SFPQ: variants seen among roughly 807,000 people sequenced by gnomAD.
The protein encoded by SFPQ is splicing factor proline and glutamine rich.
In SFPQ, 11 loss-of-function variants were observed where a neutral mutation model predicts 72.9. That is an observed-to-expected ratio of 0.15 (90% CI 0.09 to 0.25). SFPQ has a LOEUF of 0.25. Ranked by LOEUF, SFPQ falls within the 10% of genes least tolerant of loss-of-function variation. The pLI, the probability that SFPQ is intolerant of heterozygous loss-of-function variation, is 1.00. For missense variants in SFPQ, 847 were observed against 993.3 expected, an observed-to-expected ratio of 0.85 and a Z score of 1.98; for synonymous variants, 506 against 367.3, an observed-to-expected ratio of 1.38 and a Z score of -4.32.
At chr1:35,191,054 A>G (rs935911220) in intron 2 of SFPQ, 59 bp from the exon 3 acceptor site, 1 of 1,426,338 alleles carries the variant, frequency 7.0e-7, no homozygotes, top group Non-Finnish European at 9.7e-7. Flanking sequence ...CTACTCTTAA[A>G]TTGTCATAGG....
chr1:35,179,279 A>C, downstream of SFPQ: 1 of 1,060,344 alleles, frequency 9.4e-7, no homozygotes, highest in South Asian at 4.6e-5. Context: ...TAAAAGTCCA[A>C]AACTAGTCAC....
In SFPQ at chr1:35,183,168, A is replaced by G; in HGVS notation, c.*1288T>C. On this transcript the variant is annotated 3_prime_UTR_variant, in exon 10 of 10. Coordinates refer to ENST00000357214, the MANE Select transcript of SFPQ (RefSeq NM_005066.3). ...TGCCCAACAGAAGTAGCACAAGGAG[A>G]TGTAAAAGTTACAGAGTACAAATGT... The G allele has an allele frequency of 9.8e-7, 1 of 1,022,088 alleles. No homozygotes were observed. 63.3% of individuals were successfully genotyped at this position (1,022,088 alleles called of 1,614,324 possible).
chr1:35,180,065 G>A (rs1231903660), downstream of SFPQ: 28 of 1,053,176 alleles, frequency 2.7e-5, no homozygotes, highest in East Asian at 5.9e-4. Context: ...GTACAAGTCT[G>A]TCCCCACCTT....
At position 35,183,343 on chromosome 1, in the gene SFPQ, G is replaced by A. The variant is rs536221796; in HGVS notation, c.*1113C>T. On this transcript the variant is annotated 3_prime_UTR_variant, in exon 10 of 10. Coordinates refer to ENST00000357214, the MANE Select transcript of SFPQ (RefSeq NM_005066.3). Reference sequence around the variant, plus strand: ...AGCAATTCTCCTGGCTCAGCCTCCCGAGTAGCTGGGATTACAGGCGCCTGC... The same window carrying A: ...AGCAATTCTCCTGGCTCAGCCTCCCAAGTAGCTGGGATTACAGGCGCCTGC... The A allele has an allele frequency of 4.0e-5, 12 of 299,408 alleles. No individual in the cohort carries two copies. In the South Asian group the frequency reaches 6.8e-4, roughly 17 times the overall value. 18.5% of individuals were successfully genotyped at this position (299,408 alleles called of 1,614,324 possible).
chr1:35,179,839 C>T (rs1639393370), downstream of SFPQ: 1 of 1,053,558 alleles, frequency 9.5e-7, no homozygotes, highest in Non-Finnish European at 1.1e-6. Context: ...ATCACTAAAC[C>T]ACGGCAGCAA....
intron 4 of SFPQ, among the ~76,000 whole-genome samples, chr1:35,190,204 G>A (rs924299604): frequency 6.6e-6 from 1 of 152,208 alleles, no homozygotes; most frequent in Non-Finnish European, 1.5e-5. Context: ...AGGTTGCAGA[G>A]AGCTGAGGTC....
Position 35,183,197 on chromosome 1 carries a change from T to TG in SFPQ, c.*1258_*1259insC, listed in dbSNP as rs1639544567. 8 of 1,016,458 alleles carry TG rather than the reference T, an allele frequency of 7.9e-6. No homozygotes were observed. The African/African-American group carries it at 1.4e-4, about 17-fold the overall frequency. The allele number at this position is 1,016,458 out of a possible 1,614,324, so 63.0% of individuals were successfully genotyped here. On this transcript the variant is annotated 3_prime_UTR_variant, in exon 10 of 10. Coordinates refer to ENST00000357214, the MANE Select transcript of SFPQ (RefSeq NM_005066.3). ...AAAAGTTACAGAGTACAAATGTATA[T>TG]ATAACTAAACCTACTTCAGTACTAA...
In SFPQ at chr1:35,183,590, A is replaced by T. The variant is rs1639573340; in HGVS notation, c.*866T>A. The T allele has an allele frequency of 2.9e-6, 3 of 1,024,038 alleles. No homozygotes were observed. The highest frequency in any genetic ancestry group is 1.2e-4 in the Admixed American group (2 of 17,242). 63.4% of individuals were successfully genotyped at this position (1,024,038 alleles called of 1,614,324 possible). On this transcript the variant is annotated 3_prime_UTR_variant, in exon 10 of 10. Coordinates refer to ENST00000357214, the MANE Select transcript of SFPQ (RefSeq NM_005066.3). ...CCATCTTTATAAATCACTTGAATACATGAAAAGACTTCATGTTTAACATCT... is the reference window on the plus strand; with the variant it reads ...CCATCTTTATAAATCACTTGAATACTTGAAAAGACTTCATGTTTAACATCT...
chr1:35,180,032 G>C (rs182598027), downstream of SFPQ: 7 of 1,054,434 alleles, frequency 6.6e-6, no homozygotes, highest in African/African-American at 1.2e-4. Context: ...AAAGTTGTTT[G>C]CTTGAATGGA....
chr1:35,181,697 G>A (rs1639475321), downstream of SFPQ: 1 of 1,060,694 alleles, frequency 9.4e-7, no homozygotes, highest in Non-Finnish European at 1.1e-6. Flanking sequence ...GGGGACAAGT[G>A]GTTTCTTTAA....
chr1:35,188,948 G>C, intron 6 of SFPQ, 55 bp downstream of exon 6: 1 of 1,400,908 alleles, frequency 7.1e-7, no homozygotes, highest in African/African-American at 1.4e-5. Context: ...GCAACAGAAT[G>C]ATACGTTTCA....
At position 35,184,465 on chromosome 1, in the gene SFPQ, G is replaced by A. The variant is rs553702526; in HGVS notation, c.2115C>T (p.Pro705=). 4 of 1,607,806 alleles carry A rather than the reference G, an allele frequency of 2.5e-6. No individual in the cohort carries two copies. The change falls in exon 10 of 10, where the codon CCC becomes CCT. Residue 705 remains proline (P), a synonymous_variant. Coordinates refer to ENST00000357214, the MANE Select transcript of SFPQ (RefSeq NM_005066.3). ...AGCCTAAATATCACATCTAAAATCG[G>A]GGTTTTTTGTTTGGGCCTTCGTACT... ...REEYEGPNKK[P]RF
chr1:35,187,139 G>T lies in SFPQ; in HGVS notation c.1865-17C>A. 1.9e-6 allele frequency: 3 copies of T among 1,613,894 alleles called. No homozygotes were observed. Among genetic ancestry groups the T allele is most frequent in the Non-Finnish European group, 2.5e-6 (3 of 1,179,922 alleles). ...CATAGGGATCTAGAAAACAAAAATA[G>T]TGGTTACAACTCCACCAGGATACTA... is the stretch of plus-strand genomic sequence containing the variant. On this transcript the variant is annotated splice_polypyrimidine_tract_variant and intron_variant, in intron 8 of 9. Coordinates refer to ENST00000357214, the MANE Select transcript of SFPQ (RefSeq NM_005066.3).
chr1:35,178,692 G>C (rs541751647), downstream of SFPQ: 16 of 1,055,216 alleles, frequency 1.5e-5, no homozygotes, highest in South Asian at 5.9e-4. Flanking sequence ...CAGGGCCACA[G>C]TGCACAAAAC....
chr1:35,185,086 G>A (rs1339400409), intron 9 of SFPQ, among the ~76,000 whole-genome samples: 1 of 152,094 alleles, frequency 6.6e-6, no homozygotes, highest in East Asian at 1.9e-4. Flanking sequence ...TGCTTTTCAA[G>A]ATCTTAAGAC....
downstream of SFPQ, chr1:35,180,375 G>C: frequency 9.6e-7 from 1 of 1,041,650 alleles, no homozygotes; most frequent in Non-Finnish European, 1.2e-6. Flanking sequence ...TAAAGCTAAG[G>C]GAACCAAATT....
downstream of SFPQ, chr1:35,178,864 G>A: frequency 3.8e-6 from 4 of 1,042,866 alleles, no homozygotes; most frequent in Non-Finnish European, 4.6e-6. Context: ...CCTATCTTAA[G>A]TCCAAGCCCT....
rs769495425 is a variant in SFPQ, at chr1:35,184,425, A to C, written c.*31T>G. 7 of 1,592,698 alleles carry C rather than the reference A, an allele frequency of 4.4e-6. No individual in the cohort carries two copies. The East Asian group carries it at 1.1e-4, about 26-fold the overall frequency. On this transcript the variant is annotated 3_prime_UTR_variant, in exon 10 of 10. Transcript: ENST00000357214. ...ATTGGTATCTAAACAAAAAAACAAA[A>C]CAAACTGGAATGAAAGCCTAAATAT...
chr1:35,190,449 ACC>A, intron 4 of SFPQ, 47 bp downstream of exon 4: 1 of 1,288,168 alleles, frequency 7.8e-7, no homozygotes, highest in East Asian at 2.3e-5. Context: ...AATAAATTTA[ACC>A]TTTACACTTG....
Sources: allele counts gnomAD v4.1 joint callset (sites outside exome capture counted in the v4.1 genomes callset), GRCh38; gene constraint gnomAD v4.1.1; transcripts MANE v1.5; gene names NCBI Gene and HGNC (gene_info 2026-07-23, HGNC 2026-07-21).